SLC12A2: variants seen among roughly 807,000 people sequenced by gnomAD.
The protein encoded by SLC12A2 is Na-K-2Cl cotransporter 1.
A neutral mutation model predicts 136.3 loss-of-function variants in SLC12A2; 67 were observed. That is an observed-to-expected ratio of 0.49 (90% CI 0.40 to 0.60). SLC12A2 has a LOEUF of 0.60. Ranked by LOEUF, SLC12A2 falls within the 20% of genes least tolerant of loss-of-function variation. The pLI is 0.00. For missense variants in SLC12A2, 1,322 were observed against 1,534.7 expected (o/e 0.86, Z 2.32); for synonymous variants, 619 against 562.9 (o/e 1.10, Z -1.41).
At chr5:128,127,851 A>G (rs1761874951) in intron 4 of SLC12A2, among the ~76,000 whole-genome samples, 1 of 151,756 alleles carries the variant, frequency 6.6e-6, no homozygotes, top group South Asian at 2.1e-4. Flanking sequence ...TTTTTTTAAT[A>G]TTTAAGAATA....
chr5:128,118,758 G>C (rs1312779538), intron 4 of SLC12A2, among the ~76,000 whole-genome samples: 3 of 152,088 alleles, frequency 2.0e-5, no homozygotes, highest in African/African-American at 7.2e-5. Context: ...CTTCTGTAAA[G>C]CTTTTACTTG....
In SLC12A2 at chr5:128,184,464, G is replaced by A. The variant is rs771030042; in HGVS notation, c.3398G>A (p.Arg1133Gln). The A allele has an allele frequency of 5.6e-6, 9 of 1,607,700 alleles. 1 individual carries two copies. Among genetic ancestry groups the A allele is most frequent in the Middle Eastern group, 1.7e-4 (1 of 6,028 alleles). The change falls in exon 25 of 27, where the codon CGA becomes CAA. Residue 1133 changes from arginine (R) to glutamine (Q), a missense_variant. Arg to Gln is a conservative substitution (Grantham distance 43). This residue lies in a region of SLC12A2 where 172 missense variants were observed against 227.4 expected (regional missense o/e 0.76). Transcript: ENST00000262461. ...ADKMKEDEPW[R>Q]ITDNELELYK... Reference sequence around the variant, plus strand: ...AAAATGAAAGAAGATGAACCATGGCGAATAACAGATAATGAGCTTGAACTT... The same window carrying A: ...AAAATGAAAGAAGATGAACCATGGCAAATAACAGATAATGAGCTTGAACTT...
chr5:128,181,928 T>A (rs1177814956), intron 23 of SLC12A2, among the ~76,000 whole-genome samples: 1 of 151,402 alleles, frequency 6.6e-6, no homozygotes, highest in Non-Finnish European at 1.5e-5. Flanking sequence ...TTTCCTATTT[T>A]CCCCCCACTT....
At chr5:128,094,090 GA>G (rs1294478636) in intron 1 of SLC12A2, among the ~76,000 whole-genome samples, 1 of 151,744 alleles carries the variant, frequency 6.6e-6, no homozygotes, top group African/African-American at 2.4e-5. Flanking sequence ...CTCCAGTCTA[GA>G]ACAAACTCAT....
chr5:128,171,719 C>T lies in SLC12A2; in HGVS notation c.2776C>T (p.Leu926=). The change falls in exon 19 of 27, where the codon CTG becomes TTG. Residue 926 remains leucine (L), a synonymous_variant. Coordinates refer to ENST00000262461, the MANE Select transcript of SLC12A2 (RefSeq NM_001046.3). The part of the protein sequence containing the change: ...GVVVIRLKEG[L]DISHLQGQEE... ...AGTGGTTATTCGCCTAAAAGAAGGT[C>T]TGGATATATCTCATCTTCAAGGACA... 1.3e-6 allele frequency: 2 copies of T among 1,584,456 alleles called. No individual in the cohort carries two copies. The highest frequency in any genetic ancestry group is 1.2e-5 in the South Asian group (1 of 85,546).
At chr5:128,161,266 A>G (rs776742770) in intron 16 of SLC12A2, among the ~76,000 whole-genome samples, 4 of 152,204 alleles carry the variant, frequency 2.6e-5, no homozygotes, top group African/African-American at 4.8e-5. Context: ...TCAAGTTAGA[A>G]TTAATAACAC....
In SLC12A2 at chr5:128,186,563, T is replaced by A; in HGVS notation, c.3571T>A (p.Ser1191Thr). ...ALYMAWLEAL[S>T]KDLPPILLVR... ...CTACATGGCATGGTTAGAAGCTCTA[T>A]CTAAGGACCTACCACCAATCCTCCT... Residue 1191 changes from serine to threonine, a missense_variant, in exon 27 of 27, where the codon TCT (serine) becomes ACT (threonine). Around this residue, in one of 8 missense-constraint regions of SLC12A2, gnomAD observed 172 missense variants for 227.4 expected, o/e 0.76. Transcript: ENST00000262461. The A allele has an allele frequency of 6.2e-7, 1 of 1,613,846 alleles. No homozygotes were observed. Among genetic ancestry groups the A allele is most frequent in the Non-Finnish European group, 8.5e-7 (1 of 1,179,930 alleles).
chr5:128,125,602 C>T (rs1471914511), intron 4 of SLC12A2, among the ~76,000 whole-genome samples: 5 of 152,092 alleles, frequency 3.3e-5, no homozygotes, highest in African/African-American at 1.2e-4. Flanking sequence ...TGTGGCTTGT[C>T]TTACCATTTT....
intron 1 of SLC12A2, among the ~76,000 whole-genome samples, chr5:128,091,192 T>A (rs1760302785): frequency 6.6e-6 from 1 of 152,066 alleles, no homozygotes; most frequent in Non-Finnish European, 1.5e-5. Flanking sequence ...GATTTGCTGA[T>A]GGTTTGGATG....
chr5:128,172,912 T>G (rs1358146337), intron 19 of SLC12A2, among the ~76,000 whole-genome samples: 2 of 151,586 alleles, frequency 1.3e-5, no homozygotes, highest in Non-Finnish European at 2.9e-5. Flanking sequence ...GATTGCTCCT[T>G]TGCACTCCAG....
chr5:128,116,229 TG>T (rs1761345233), intron 4 of SLC12A2, among the ~76,000 whole-genome samples: 1 of 152,098 alleles, frequency 6.6e-6, no homozygotes, highest in African/African-American at 2.4e-5. Context: ...TCAAAAGGAA[TG>T]GGGCATGAAG....
chr5:128,105,387 G>A (rs961437957), intron 1 of SLC12A2, among the ~76,000 whole-genome samples: 3 of 152,192 alleles, frequency 2.0e-5, no homozygotes, highest in Non-Finnish European at 4.4e-5. Flanking sequence ...CCACTTAATT[G>A]CTGGGTAGAA....
intron 19 of SLC12A2, among the ~76,000 whole-genome samples, chr5:128,172,410 A>T (rs1763405328): frequency 6.6e-6 from 1 of 152,124 alleles, no homozygotes; most frequent in Admixed American, 6.6e-5. Context: ...GTGGTTGTGT[A>T]GTTGTGTGCC....
chr5:128,128,443 A>ATAT (rs1761896626), intron 4 of SLC12A2, among the ~76,000 whole-genome samples: 2 of 152,128 alleles, frequency 1.3e-5, no homozygotes, highest in South Asian at 4.2e-4. Flanking sequence ...CTTTTTTTCC[A>ATAT]TATTGATGTC....
chr5:128,179,512 G>A (rs1763632924), intron 22 of SLC12A2, among the ~76,000 whole-genome samples: 1 of 152,192 alleles, frequency 6.6e-6, no homozygotes, highest in Non-Finnish European at 1.5e-5. Context: ...ATCTGCTGAT[G>A]ATTCTGCAGA....
intron 1 of SLC12A2, chr5:128,111,031 T>G (rs555443869): frequency 1.0e-5 from 7 of 689,478 alleles, no homozygotes; most frequent in Admixed American, 2.2e-5. Context: ...ATAATGGTGC[T>G]CTGAAGACTC....
rs150686838 is a variant in SLC12A2, at chr5:128,148,034, G to A, written c.1881+305G>A. On this transcript the variant is annotated intron_variant, in intron 11 of 26. Transcript: ENST00000262461. ...TTCAAGATGTTTAAGGTATAGGAGT[G>A]CAGTCTAAGACTGAAAATAGGAAGT... is the stretch of plus-strand genomic sequence containing the variant. Among the ~76,000 whole-genome samples, 442 of 151,700 alleles carry A rather than the reference G, an allele frequency of 2.9e-3. 1 individual carries two copies. The highest frequency in any genetic ancestry group is 1.0e-2 in the African/African-American group (414 of 41,514).
At chr5:128,181,032 G>A in intron 23 of SLC12A2, 38 bp downstream of exon 23, 2 of 1,095,112 alleles carry the variant, frequency 1.8e-6, no homozygotes, top group Non-Finnish European at 2.8e-6. Flanking sequence ...GAATCTATTA[G>A]CACTTCATTG....
chr5:128,151,159 A>G (rs1213594862), intron 13 of SLC12A2, 82 bp from the exon 14 acceptor site: 2 of 1,228,430 alleles, frequency 1.6e-6, no homozygotes, highest in African/African-American at 1.6e-5. Flanking sequence ...ACCATAAAGA[A>G]TGTTATTTTT....
Sources: allele counts gnomAD v4.1 joint callset (sites outside exome capture counted in the v4.1 genomes callset), GRCh38; gene constraint gnomAD v4.1.1; regional missense constraint gnomAD v4.1.1; transcripts MANE v1.5; gene names NCBI Gene and HGNC (gene_info 2026-07-23, HGNC 2026-07-21).